The following HS3ST4 variants were observed in gnomAD, a reference collection of about 807,000 sequenced individuals.
HS3ST4 encodes heparan sulfate-glucosamine 3-sulfotransferase 4, also known as heparan sulfate glucosamine 3-O-sulfotransferase 4.
HS3ST4 carries 17 observed loss-of-function variants against 29.2 expected under a neutral mutation model. That is an observed-to-expected ratio of 0.58 (90% CI 0.40 to 0.87). The LOEUF is 0.87. Among genes scored for constraint, HS3ST4 ranks in the 40% least tolerant of loss-of-function variants. HS3ST4 has a pLI of 0.00. For synonymous variants in HS3ST4, 314 were observed against 285.7 expected, an observed-to-expected ratio of 1.10 and a Z score of -1.00; for missense variants, 627 against 634.5, an observed-to-expected ratio of 0.99 and a Z score of 0.13.
intron 1 of HS3ST4, among the ~76,000 whole-genome samples, chr16:25,704,278 C>T (rs1966358039): frequency 6.6e-6 from 1 of 152,208 alleles, no homozygotes; most frequent in Admixed American, 6.5e-5. Flanking sequence ...GAAACCCACT[C>T]AAATAAGCTG....
intron 1 of HS3ST4, among the ~76,000 whole-genome samples, chr16:25,751,906 G>T (rs1966723395): frequency 6.6e-6 from 1 of 152,130 alleles, no homozygotes; most frequent in African/African-American, 2.4e-5. Flanking sequence ...TCCCTACGTT[G>T]TTGTACATTA....
chr16:25,769,254 G>T (rs1966839065), intron 1 of HS3ST4, among the ~76,000 whole-genome samples: 1 of 152,120 alleles, frequency 6.6e-6, no homozygotes, highest in African/African-American at 2.4e-5. Context: ...TGGGGAGGGT[G>T]TGTGGGTGGC....
chr16:26,114,592 C>A (rs1317662937), intron 1 of HS3ST4, among the ~76,000 whole-genome samples: 1 of 152,112 alleles, frequency 6.6e-6, no homozygotes, highest in Non-Finnish European at 1.5e-5. Context: ...ATAGTGGAAG[C>A]AGAGTGTAAT....
At chr16:25,908,110 A>C (rs1214661910) in intron 1 of HS3ST4, among the ~76,000 whole-genome samples, 1 of 152,220 alleles carries the variant, frequency 6.6e-6, no homozygotes, top group Admixed American at 6.5e-5. Flanking sequence ...AGAAACTGGC[A>C]TCTGCAGTAG....
intron 1 of HS3ST4, among the ~76,000 whole-genome samples, chr16:25,707,911 C>G (rs1340602437): frequency 6.6e-6 from 1 of 152,170 alleles, no homozygotes; most frequent in Non-Finnish European, 1.5e-5. Context: ...CTTGTACCAC[C>G]TGGACTCACC....
intron 1 of HS3ST4, among the ~76,000 whole-genome samples, chr16:25,890,008 C>A (rs995157021): frequency 3.9e-5 from 6 of 152,154 alleles, no homozygotes; most frequent in Admixed American, 6.5e-5. Flanking sequence ...TGAGTCCATT[C>A]AACCTCTTTC....
intron 1 of HS3ST4, among the ~76,000 whole-genome samples, chr16:25,920,944 T>C (rs1189381462): frequency 1.3e-5 from 2 of 152,152 alleles, no homozygotes; most frequent in African/African-American, 4.8e-5. Context: ...TTTATGTCTT[T>C]GTTTATGTAG....
intron 1 of HS3ST4, among the ~76,000 whole-genome samples, chr16:25,838,975 G>A (rs1212565507): frequency 1.3e-5 from 2 of 152,164 alleles, no homozygotes; most frequent in Non-Finnish European, 2.9e-5. Context: ...TTGGCCTTTG[G>A]TTAAGGGGAT....
intron 1 of HS3ST4, among the ~76,000 whole-genome samples, chr16:25,904,629 T>C (rs1232455757): frequency 6.6e-6 from 1 of 152,186 alleles, no homozygotes; most frequent in African/African-American, 2.4e-5. Context: ...CTATCTTCAT[T>C]CATTTTTTCA....
intron 1 of HS3ST4, among the ~76,000 whole-genome samples, chr16:25,852,568 CT>C (rs947542728): frequency 5.8e-4 from 84 of 145,348 alleles, no homozygotes; most frequent in Middle Eastern, 3.5e-3. Flanking sequence ...AATGGGCAAT[CT>C]TTTTTTTTTT....
intron 1 of HS3ST4, among the ~76,000 whole-genome samples, chr16:26,095,013 A>G (rs1035080949): frequency 4.6e-5 from 7 of 152,242 alleles, no homozygotes; most frequent in African/African-American, 1.7e-4. Context: ...CAAAAGAGAC[A>G]AAGAAGGCCA....
intron 1 of HS3ST4, among the ~76,000 whole-genome samples, chr16:25,986,267 T>C (rs1488212059): frequency 6.6e-6 from 1 of 152,218 alleles, no homozygotes. Flanking sequence ...TTTTTATTAC[T>C]GCCATATCCC....
chr16:26,101,817 T>C (rs1290815097), intron 1 of HS3ST4, among the ~76,000 whole-genome samples: 1 of 152,202 alleles, frequency 6.6e-6, no homozygotes, highest in African/African-American at 2.4e-5. Flanking sequence ...AAATTTCCTT[T>C]AATTTTTATA....
At chr16:25,882,750 A>G (rs8045903) in intron 1 of HS3ST4, among the ~76,000 whole-genome samples, 1,841 of 152,284 alleles carry the variant, frequency 0.012, 30 homozygotes, top group African/African-American at 0.041. Context: ...GTCTTGGGGC[A>G]CAGACAGATT....
intron 1 of HS3ST4, among the ~76,000 whole-genome samples, chr16:26,093,155 G>A (rs1898878684): frequency 1.3e-5 from 2 of 152,216 alleles, no homozygotes; most frequent in Admixed American, 1.3e-4. Context: ...ACCTCTGTGG[G>A]CAGGGCTTAG....
At chr16:25,719,133 G>A (rs1966476714) in intron 1 of HS3ST4, among the ~76,000 whole-genome samples, 1 of 152,346 alleles carries the variant, frequency 6.6e-6, no homozygotes, top group African/African-American at 2.4e-5. Context: ...CATCGTGAGA[G>A]CTAGGAGATG....
At chr16:25,928,199 A>C (rs1477350040) in intron 1 of HS3ST4, among the ~76,000 whole-genome samples, 1 of 133,896 alleles carries the variant, frequency 7.5e-6, no homozygotes, top group African/African-American at 3.0e-5. Context: ...CCATCTTTCC[A>C]AAAAAAAAAA....
intron 1 of HS3ST4, among the ~76,000 whole-genome samples, chr16:25,897,862 C>T (rs1033629374): frequency 2.0e-5 from 3 of 152,154 alleles, no homozygotes; most frequent in African/African-American, 7.2e-5. Context: ...TTCCCCCCGC[C>T]CCCTTTCTCA....
intron 1 of HS3ST4, among the ~76,000 whole-genome samples, chr16:25,869,258 GA>G (rs1967725352): frequency 6.6e-6 from 1 of 152,046 alleles, no homozygotes; most frequent in African/African-American, 2.4e-5. Context: ...GCTTCCCCTA[GA>G]GGAAGAGAGA....
Sources: allele counts gnomAD v4.1 joint callset (sites outside exome capture counted in the v4.1 genomes callset), GRCh38; gene constraint gnomAD v4.1.1; transcripts MANE v1.5; gene names NCBI Gene and HGNC (gene_info 2026-07-23, HGNC 2026-07-21).